The following SYNE2 variants were observed in gnomAD, a reference collection of about 807,000 sequenced individuals.
SYNE2 encodes spectrin repeat containing nuclear envelope protein 2.
In SYNE2, 431 loss-of-function variants were observed where a neutral mutation model predicts 856.3. That is an observed-to-expected ratio of 0.50 (90% CI 0.47 to 0.55). The LOEUF is 0.55. Among genes scored for constraint, SYNE2 ranks in the 20% least tolerant of loss-of-function variants. SYNE2 has a pLI of 0.00. For synonymous variants in SYNE2, 2,923 were observed against 2,872.3 expected (o/e 1.02, Z -0.56); for missense variants, 8,129 against 8,023.2 (o/e 1.01, Z -0.50).
chr14:64,201,560 G>A (rs946754190), intron 99 of SYNE2, among the ~76,000 whole-genome samples: 5 of 152,156 alleles, frequency 3.3e-5, no homozygotes, highest in East Asian at 1.9e-4. Flanking sequence ...GGGCTGAACC[G>A]GTTTTTCAGG....
At chr14:64,190,991 TGCAGC>T in intron 99 of SYNE2, 1 of 702,350 alleles carries the variant, frequency 1.4e-6, no homozygotes, top group Non-Finnish European at 2.6e-6. Flanking sequence ...GGACCACTTG[TGCAGC>T]TGTGCTTCCA....
chr14:64,154,473 A>G (rs927699259), intron 85 of SYNE2, among the ~76,000 whole-genome samples: 1 of 152,192 alleles, frequency 6.6e-6, no homozygotes, highest in African/African-American at 2.4e-5. Context: ...CAACTTGATA[A>G]TAAAAGGAAA....
At chr14:63,809,438 G>T (rs1888525024) in intron 1 of SYNE2, among the ~76,000 whole-genome samples, 1 of 152,118 alleles carries the variant, frequency 6.6e-6, no homozygotes, top group South Asian at 2.1e-4. Flanking sequence ...ACCAGGTATT[G>T]CCTCATTGTG....
At position 64,215,314 on chromosome 14, in the gene SYNE2, A is replaced by C. The variant is rs947453550; in HGVS notation, c.19362A>C (p.Ala6454=). 1 of 1,614,196 alleles carries C rather than the reference A, an allele frequency of 6.2e-7. No individual in the cohort carries two copies. The highest frequency in any genetic ancestry group is 1.3e-5 in the African/African-American group (1 of 75,046). ...TAGAAATCCCTGAAAATCCTGAGGC[A>C]TATCTTAAAATGACCACAAAAACTT... ...SDVEIPENPE[A]YLKMTTKTLK... is the part of the protein sequence containing the mutation. The change falls in exon 107 of 116, where the codon GCA becomes GCC. Residue 6454 remains alanine (A), a synonymous_variant. Coordinates refer to ENST00000555002, the MANE Select transcript of SYNE2 (RefSeq NM_182914.3).
rs1471869248 is a variant in SYNE2 at position 64,015,891 on chromosome 14, C to A, written c.4729-582C>A. Reference sequence around the variant, plus strand: ...CAAGTTTTCATGTTTTATTTTCATTCTGTTTGATGTATTTAAAAATTTCTC... The same window carrying A: ...CAAGTTTTCATGTTTTATTTTCATTATGTTTGATGTATTTAAAAATTTCTC... On this transcript the variant is annotated intron_variant, in intron 32 of 115. Coordinates refer to ENST00000555002, the MANE Select transcript of SYNE2 (RefSeq NM_182914.3). 2.6e-5 allele frequency among the ~76,000 whole-genome samples: 4 copies of A among 152,036 alleles called. 1 individual carries two copies. Among genetic ancestry groups the A allele is most frequent in the Middle Eastern group, 6.8e-3 (2 of 294 alleles).
intron 108 of SYNE2, among the ~76,000 whole-genome samples, chr14:64,217,698 T>G (rs2098673173): frequency 6.6e-6 from 1 of 152,198 alleles, no homozygotes; most frequent in Non-Finnish European, 1.5e-5. Context: ...ATCTCAACCC[T>G]TTTGTTGTGT....
chr14:64,125,001 T>G, intron 70 of SYNE2, 78 bp from the exon 71 acceptor site: 1 of 1,578,112 alleles, frequency 6.3e-7, no homozygotes, highest in Non-Finnish European at 8.6e-7. Context: ...AGACTCCATC[T>G]CGAAAATAAA....
At chr14:64,068,207 G>T (rs2097372512) in intron 51 of SYNE2, among the ~76,000 whole-genome samples, 1 of 152,134 alleles carries the variant, frequency 6.6e-6, no homozygotes, top group Admixed American at 6.5e-5. Context: ...AGTGCACACG[G>T]TCACATGATC....
intron 2 of SYNE2, among the ~76,000 whole-genome samples, chr14:63,929,966 A>G (rs1287566412): frequency 2.0e-5 from 3 of 152,096 alleles, no homozygotes; most frequent in Non-Finnish European, 2.9e-5. Flanking sequence ...GCTATGGGCC[A>G]TGATTATGGT....
At chr14:64,029,098 C>T (rs1296389904) in intron 43 of SYNE2, among the ~76,000 whole-genome samples, 2 of 151,948 alleles carry the variant, frequency 1.3e-5, no homozygotes, top group African/African-American at 2.4e-5. Flanking sequence ...ATTGCACCGC[C>T]GCACTCCAGC....
chr14:63,960,885 A>C (rs2096304401), intron 8 of SYNE2: 1 of 603,142 alleles, frequency 1.7e-6, no homozygotes, highest in Non-Finnish European at 3.0e-6. Flanking sequence ...TCTAAAAAAA[A>C]TAAAAAATAA....
intron 16 of SYNE2, 92 bp from the exon 17 acceptor site, chr14:63,982,523 AAAAAAAAAAAAAAAG>A: frequency 9.3e-7 from 1 of 1,072,846 alleles, no homozygotes; most frequent in Non-Finnish European, 1.3e-6. Flanking sequence ...CCATCTCAAA[AAAAAAAAAAAAAAAG>A]AAAAGAAAAA....
At chr14:63,775,238 G>A (rs1008275105) in intron 1 of SYNE2, among the ~76,000 whole-genome samples, 4 of 152,044 alleles carry the variant, frequency 2.6e-5, no homozygotes, top group African/African-American at 4.8e-5. Context: ...GCCTCCCAAA[G>A]TGCTGGGTTT....
intron 6 of SYNE2, among the ~76,000 whole-genome samples, chr14:63,947,135 C>T (rs576467133): frequency 1.1e-4 from 16 of 152,266 alleles, no homozygotes; most frequent in Middle Eastern, 3.4e-3. Context: ...CAGGTGTGAG[C>T]CACCATGCCT....
intron 35 of SYNE2, 78 bp downstream of exon 35, chr14:64,020,171 C>T (rs573723056): frequency 7.8e-5 from 79 of 1,016,074 alleles, no homozygotes; most frequent in African/African-American, 6.1e-4. Flanking sequence ...CCAGCCTGGG[C>T]GACAGAGCAA....
chr14:64,000,592 A>G lies in SYNE2; in HGVS notation c.3511A>G (p.Lys1171Glu), dbSNP rs756492660. ...VIKNETDARW[K>E]EFEIISLKLE... ...AAAAAATGAAACTGATGCTCGCTGG[A>G]AAGAGTTTGAAATTATTTCATTGAA... Residue 1171 changes from lysine (K) to glutamate (E), a missense_variant, in exon 28 of 116, where the codon AAA (lysine) becomes GAA (glutamate). Lys to Glu is a moderately conservative substitution (Grantham distance 56). Transcript: ENST00000555002. The G allele has an allele frequency of 1.7e-5, 27 of 1,613,448 alleles. No individual in the cohort carries two copies. The highest frequency in any genetic ancestry group is 1.6e-4 in the Middle Eastern group (1 of 6,074).
intron 99 of SYNE2, among the ~76,000 whole-genome samples, chr14:64,198,428 G>C (rs554605341): frequency 1.3e-5 from 2 of 152,360 alleles, no homozygotes; most frequent in Non-Finnish European, 2.9e-5. Context: ...TTAGATTACA[G>C]TGTCTGTACA....
At position 63,853,128 on chromosome 14, in the gene SYNE2, C is replaced by A. The variant is rs1290128127; in HGVS notation, c.-67C>A. On this transcript the variant is annotated 5_prime_UTR_variant, in exon 1 of 116. Coordinates refer to ENST00000555002, the MANE Select transcript of SYNE2 (RefSeq NM_182914.3). ...GCGGCCCCGGCCCGCGCCCTTGCCC[C>A]TCGGCCGGGCGGACGGTGGGTGAGC... 1 of 151,422 alleles carries A rather than the reference C, an allele frequency of 6.6e-6. No homozygotes were observed. The highest frequency in any genetic ancestry group is 1.5e-5 in the Non-Finnish European group (1 of 67,808). 9.4% of individuals were successfully genotyped at this position (151,422 alleles called of 1,614,324 possible).
chr14:64,059,343 C>T (rs961136971), intron 49 of SYNE2, among the ~76,000 whole-genome samples: 16 of 152,076 alleles, frequency 1.1e-4, no homozygotes, highest in African/African-American at 3.4e-4. Context: ...TTGAGTGTTG[C>T]GATCTAAGTT....
Sources: gnomAD v4.1 joint callset for allele counts (sites outside exome capture counted in the v4.1 genomes callset) on GRCh38, gnomAD v4.1.1 for gene constraint, MANE v1.5 for transcripts, NCBI Gene and HGNC (gene_info 2026-07-23, HGNC 2026-07-21) for gene names.